GNAL: variants seen among roughly 807,000 people sequenced by gnomAD.
GNAL encodes the protein guanine nucleotide-binding protein G(olf) subunit alpha.
A neutral mutation model predicts 55.1 loss-of-function variants in GNAL; 18 were observed. That is an observed-to-expected ratio of 0.33 (90% CI 0.23 to 0.48). The LOEUF is 0.48. Ranked by LOEUF, GNAL falls within the 20% of genes least tolerant of loss-of-function variation. The pLI, the probability that GNAL is intolerant of heterozygous loss-of-function variation, is 0.99. For synonymous variants in GNAL, 253 were observed against 237.0 expected (o/e 1.07, Z -0.62); for missense variants, 412 against 614.1 (o/e 0.67, Z 3.48).
intron 1 of GNAL, among the ~76,000 whole-genome samples, chr18:11,722,417 A>G (rs896579549): frequency 2.0e-5 from 3 of 152,174 alleles, no homozygotes; most frequent in African/African-American, 4.8e-5. Flanking sequence ...TATGTATTAT[A>G]TATTCTTCTA....
intron 5 of GNAL, chr18:11,852,091 C>T (rs759779413): frequency 4.4e-6 from 7 of 1,604,088 alleles, no homozygotes; most frequent in African/African-American, 2.7e-5. Flanking sequence ...GAGACTGGCC[C>T]GCCTTCGGGA....
intron 4 of GNAL, among the ~76,000 whole-genome samples, chr18:11,814,252 C>T (rs1034006422): frequency 4.6e-5 from 7 of 152,156 alleles, no homozygotes; most frequent in Admixed American, 1.3e-4. Flanking sequence ...GGGCCGGGCA[C>T]GGTGGCTCAT....
chr18:11,845,398 GC>G (rs2035708941), intron 5 of GNAL, among the ~76,000 whole-genome samples: 1 of 151,094 alleles, frequency 6.6e-6, no homozygotes, highest in African/African-American at 2.4e-5. Context: ...GTGAGATATG[GC>G]AAAATGCTGT....
chr18:11,755,815 A>C (rs986326853), intron 4 of GNAL, among the ~76,000 whole-genome samples: 1 of 152,140 alleles, frequency 6.6e-6, no homozygotes, highest in African/African-American at 2.4e-5. Flanking sequence ...CTCCAGCCAC[A>C]CCAGGATCCT....
rs144352631 is a variant in GNAL at position 11,736,167 on chromosome 18, G to A, written c.377-16686G>A. ...TCCAACACTTCGAGAGGCTGAGGCG[G>A]GAAGATTGCTTGAGGCCAGGAGTTC... On this transcript the variant is annotated intron_variant, in intron 1 of 11. Transcript: ENST00000334049. Among the ~76,000 whole-genome samples, 1,128 of 152,284 alleles carry A rather than the reference G, an allele frequency of 7.4e-3. 14 individuals carry two copies. The highest frequency in any genetic ancestry group is 0.025 in the African/African-American group (1,052 of 41,562).
chr18:11,825,608 G>A (rs1359714894), intron 5 of GNAL, among the ~76,000 whole-genome samples: 5 of 151,492 alleles, frequency 3.3e-5, no homozygotes, highest in Non-Finnish European at 7.4e-5. Context: ...GTGGGTGCCT[G>A]TAATCCCAGC....
chr18:11,784,546 C>T (rs1027289246), intron 4 of GNAL, among the ~76,000 whole-genome samples: 1 of 152,200 alleles, frequency 6.6e-6, no homozygotes, highest in African/African-American at 2.4e-5. Flanking sequence ...TTATGTATTG[C>T]TTGAGCAGAA....
chr18:11,790,655 T>C (rs1354103601), intron 4 of GNAL, among the ~76,000 whole-genome samples: 24 of 52,482 alleles, frequency 4.6e-4, no homozygotes, highest in African/African-American at 1.7e-3. Context: ...TCTTTTCTTT[T>C]TTTTTCTTTT....
intron 1 of GNAL, among the ~76,000 whole-genome samples, chr18:11,691,149 A>G (rs1161737099): frequency 1.3e-5 from 2 of 151,784 alleles, no homozygotes; most frequent in African/African-American, 4.9e-5. Context: ...AATGATTGCC[A>G]TTCTAACTGG....
intron 5 of GNAL, among the ~76,000 whole-genome samples, chr18:11,855,874 AG>A (rs1241285871): frequency 1.3e-5 from 2 of 151,460 alleles, no homozygotes; most frequent in Non-Finnish European, 2.9e-5. Flanking sequence ...TGGGAGGCTG[AG>A]GCAGGAGAAT....
chr18:11,714,598 T>A (rs2031910381), intron 1 of GNAL, among the ~76,000 whole-genome samples: 1 of 152,222 alleles, frequency 6.6e-6, no homozygotes, highest in Non-Finnish European at 1.5e-5. Context: ...CTTTGTCCTG[T>A]ACCTGTGAAG....
chr18:11,859,127 A>G (rs1206736358), intron 5 of GNAL, among the ~76,000 whole-genome samples: 1 of 152,206 alleles, frequency 6.6e-6, no homozygotes, highest in Non-Finnish European at 1.5e-5. Flanking sequence ...AACTATAGCC[A>G]CAGGCTTCAT....
rs632464 is a variant in GNAL, at chr18:11,877,865, A to C, written c.1230+1177A>C. Among the ~76,000 whole-genome samples, 330 of 152,180 alleles carry C rather than the reference A, an allele frequency of 2.2e-3. 1 individual carries two copies. Among genetic ancestry groups the C allele is most frequent in the African/African-American group, 7.6e-3 (314 of 41,528 alleles). On this transcript the variant is annotated intron_variant, in intron 11 of 11. Coordinates refer to ENST00000334049, the MANE Select transcript of GNAL (RefSeq NM_182978.4). Reference sequence around the variant, plus strand: ...CCCCAGGGTGAGTTCAGAGGACAAGAGTTCCCCCAGAAGTGCATGGCCGTA... The same window carrying C: ...CCCCAGGGTGAGTTCAGAGGACAAGCGTTCCCCCAGAAGTGCATGGCCGTA...
Position 11,872,252 on chromosome 18 carries a change from A to AT in GNAL, c.1032-11dup. On this transcript the variant is annotated splice_polypyrimidine_tract_variant and intron_variant, in intron 9 of 11. Transcript: ENST00000334049. Reference sequence around the variant, plus strand: ...TAGTGTATGTGAAATTTGTATGTTTATTTTTCCTTTTTTAGGTGGTTACGG... The same window carrying AT: ...TAGTGTATGTGAAATTTGTATGTTTATTTTTTCCTTTTTTAGGTGGTTACGG... 1.9e-6 allele frequency: 3 copies of AT among 1,551,756 alleles called. No homozygotes were observed. Among genetic ancestry groups the AT allele is most frequent in the Non-Finnish European group, 2.6e-6 (3 of 1,147,448 alleles).
In GNAL at chr18:11,781,116, A is replaced by G. The variant is rs541910850; in HGVS notation, c.624+27171A>G. Among the ~76,000 whole-genome samples the G allele has an allele frequency of 1.8e-4, 27 of 152,348 alleles. No homozygotes were observed. In the East Asian group the frequency reaches 5.0e-3, roughly 28 times the overall value. Reference sequence around the variant, plus strand: ...AGAACTACCAGTGTTTCTTACGGCTATTTCAAATTAAGACTTTAAATATAG... The same window carrying G: ...AGAACTACCAGTGTTTCTTACGGCTGTTTCAAATTAAGACTTTAAATATAG... On this transcript the variant is annotated intron_variant, in intron 4 of 11. Coordinates refer to ENST00000334049, the MANE Select transcript of GNAL (RefSeq NM_182978.4).
intron 4 of GNAL, among the ~76,000 whole-genome samples, chr18:11,823,023 C>G (rs531229289): frequency 6.6e-6 from 1 of 152,234 alleles, no homozygotes; most frequent in Admixed American, 6.5e-5. Flanking sequence ...TATCATACGT[C>G]TGTCGTGTCC....
At chr18:11,733,130 G>A (rs916510326) in intron 1 of GNAL, among the ~76,000 whole-genome samples, 1 of 152,244 alleles carries the variant, frequency 6.6e-6, no homozygotes, top group East Asian at 1.9e-4. Flanking sequence ...TTCTCGAACG[G>A]CCGCCTGGTG....
chr18:11,852,060 G>A (rs773802525), intron 5 of GNAL: 1 of 1,612,974 alleles, frequency 6.2e-7, no homozygotes, highest in East Asian at 2.2e-5. Flanking sequence ...TGGCTTCGGC[G>A]GAGCAGGATG....
chr18:11,722,187 G>C (rs145099601), intron 1 of GNAL, among the ~76,000 whole-genome samples: 134 of 152,186 alleles, frequency 8.8e-4, no homozygotes, highest in African/African-American at 3.0e-3. Flanking sequence ...ATTTTCTCTG[G>C]ACACATTTCT....
Sources: gnomAD v4.1 joint callset for allele counts (sites outside exome capture counted in the v4.1 genomes callset) on GRCh38, gnomAD v4.1.1 for gene constraint, MANE v1.5 for transcripts, NCBI Gene and HGNC (gene_info 2026-07-23, HGNC 2026-07-21) for gene names.